Variants in ADK observed in about 807,000 individuals in gnomAD.
The protein encoded by ADK is adenosine kinase.
In ADK, 24 loss-of-function variants were observed where a neutral mutation model predicts 44.7. That is an observed-to-expected ratio of 0.54 (90% confidence interval 0.39 to 0.76). ADK has a LOEUF of 0.76. Among genes scored for constraint, ADK ranks in the 30% least tolerant of loss-of-function variants. ADK has a pLI of 0.00. For synonymous variants in ADK, 128 were observed against 142.6 expected, an observed-to-expected ratio of 0.90 and a Z score of 0.73; for missense variants, 321 against 425.1, an observed-to-expected ratio of 0.76 and a Z score of 2.15.
chr10:74,588,803 T>A (rs1359619678), intron 7 of ADK, among the ~76,000 whole-genome samples: 1 of 152,194 alleles, frequency 6.6e-6, no homozygotes, highest in Admixed American at 6.5e-5. Context: ...CTATCATCCT[T>A]TTTACCCAAT....
intron 4 of ADK, among the ~76,000 whole-genome samples, chr10:74,390,613 AT>A (rs1373062890): frequency 6.6e-6 from 1 of 152,162 alleles, no homozygotes; most frequent in East Asian, 1.9e-4. Flanking sequence ...CTGATGTGTG[AT>A]CAAGATTCCA....
chr10:74,391,228 T>C (rs1564694143), intron 4 of ADK, among the ~76,000 whole-genome samples: 1 of 152,180 alleles, frequency 6.6e-6, no homozygotes. Context: ...TATGTTACAA[T>C]TTGATACCTT....
chr10:74,605,033 G>A (rs1852267991), intron 9 of ADK, among the ~76,000 whole-genome samples: 1 of 152,072 alleles, frequency 6.6e-6, no homozygotes, highest in South Asian at 2.1e-4. Context: ...CTCATGATTT[G>A]GCTCTCTGTT....
chr10:74,514,820 C>CT (rs568574080), intron 6 of ADK, among the ~76,000 whole-genome samples: 1 of 151,936 alleles, frequency 6.6e-6, no homozygotes, highest in Non-Finnish European at 1.5e-5. Flanking sequence ...TGTTTTCTTG[C>CT]TTTTTTTCCT....
chr10:74,662,689 C>T (rs1260695435), intron 9 of ADK, among the ~76,000 whole-genome samples: 1 of 152,194 alleles, frequency 6.6e-6, no homozygotes, highest in Non-Finnish European at 1.5e-5. Context: ...ATTCAGTATA[C>T]TCCAGGTACA....
chr10:74,464,089 G>A (rs763759562), intron 6 of ADK, among the ~76,000 whole-genome samples: 1 of 151,884 alleles, frequency 6.6e-6, no homozygotes, highest in African/African-American at 2.4e-5. Flanking sequence ...AACTATATAC[G>A]TATAGTCTTT....
At chr10:74,358,854 T>G (rs1006088897) in intron 4 of ADK, among the ~76,000 whole-genome samples, 2 of 152,252 alleles carry the variant, frequency 1.3e-5, no homozygotes, top group Non-Finnish European at 2.9e-5. Context: ...TTTTAAATGA[T>G]ACTCTGAGTC....
At chr10:74,496,437 T>C (rs952098004) in intron 6 of ADK, among the ~76,000 whole-genome samples, 3 of 152,232 alleles carry the variant, frequency 2.0e-5, no homozygotes, top group Admixed American at 6.5e-5. Flanking sequence ...GCATCTGGCA[T>C]TTCCGCTGCT....
chr10:74,329,258 G>T (rs1841135177), intron 4 of ADK, among the ~76,000 whole-genome samples: 1 of 152,138 alleles, frequency 6.6e-6, no homozygotes, highest in East Asian at 1.9e-4. Flanking sequence ...TTTTGCTGCT[G>T]AGATTCTTGG....
intron 9 of ADK, among the ~76,000 whole-genome samples, chr10:74,611,669 T>C (rs1852551296): frequency 2.6e-5 from 4 of 151,132 alleles, no homozygotes; most frequent in Non-Finnish European, 5.9e-5. Context: ...TGCCTCCCCC[T>C]TTATGTCCAT....
chr10:74,387,038 G>A (rs1843167868), intron 4 of ADK, among the ~76,000 whole-genome samples: 2 of 151,908 alleles, frequency 1.3e-5, no homozygotes, highest in African/African-American at 4.8e-5. Context: ...CTGAGTTCAA[G>A]CGATTCTCCT....
chr10:74,439,247 T>C (rs1845308533), intron 6 of ADK, among the ~76,000 whole-genome samples: 1 of 152,224 alleles, frequency 6.6e-6, no homozygotes, highest in Admixed American at 6.5e-5. Context: ...TAGAGCATAA[T>C]GCCCTTAGCA....
intron 7 of ADK, among the ~76,000 whole-genome samples, chr10:74,571,702 T>A (rs905591604): frequency 6.6e-5 from 10 of 152,228 alleles, no homozygotes; most frequent in African/African-American, 2.4e-4. Context: ...TTGCTAGCGG[T>A]CTATCAATTT....
chr10:74,448,821 A>T (rs1191127038), intron 6 of ADK, among the ~76,000 whole-genome samples: 1 of 152,138 alleles, frequency 6.6e-6, no homozygotes. Flanking sequence ...CACATACAAT[A>T]ATATATACTG....
intron 3 of ADK, among the ~76,000 whole-genome samples, chr10:74,310,041 A>C (rs1296122244): frequency 6.6e-6 from 1 of 152,054 alleles, no homozygotes; most frequent in Non-Finnish European, 1.5e-5. Flanking sequence ...AAGTTTATTA[A>C]ATTTCTTCCA....
intron 2 of ADK, among the ~76,000 whole-genome samples, chr10:74,219,681 A>G (rs1844215982): frequency 6.6e-6 from 1 of 151,854 alleles, no homozygotes; most frequent in African/African-American, 2.4e-5. Context: ...CTCAGACCAC[A>G]GTGCAATCAA....
chr10:74,266,157 G>A (rs113582770), intron 3 of ADK, among the ~76,000 whole-genome samples: 2 of 152,302 alleles, frequency 1.3e-5, no homozygotes, highest in East Asian at 1.9e-4. Context: ...GCAAAAGGAA[G>A]TAGAAGACAG....
chr10:74,654,669 G>A (rs1345043922), intron 9 of ADK, among the ~76,000 whole-genome samples: 7 of 152,164 alleles, frequency 4.6e-5, no homozygotes, highest in African/African-American at 1.4e-4. Context: ...AAAATTAGCC[G>A]GGTGTGGTGG....
At chr10:74,595,825 C>T (rs1314057136) in intron 8 of ADK, among the ~76,000 whole-genome samples, 1 of 149,488 alleles carries the variant, frequency 6.7e-6, no homozygotes, top group Non-Finnish European at 1.5e-5. Context: ...GGTGAAACCC[C>T]GTCTCTACTA....
Sources: allele counts gnomAD v4.1 joint callset (sites outside exome capture counted in the v4.1 genomes callset), GRCh38; gene constraint gnomAD v4.1.1; transcripts MANE v1.5; gene names NCBI Gene and HGNC (gene_info 2026-07-23, HGNC 2026-07-21).